STXBP4: variants seen among roughly 807,000 people sequenced by gnomAD.
STXBP4 encodes syntaxin-binding protein 4.
In STXBP4, 55 loss-of-function variants were observed where a neutral mutation model predicts 76.1. The ratio of observed to expected loss-of-function variants is 0.72; its 90% confidence interval spans 0.58 to 0.91. The LOEUF (loss-of-function observed/expected upper bound fraction) is 0.91. Ranked by LOEUF, STXBP4 falls within the 40% of genes least tolerant of loss-of-function variation. STXBP4 has a pLI of 0.00. For synonymous variants in STXBP4, 201 were observed against 220.2 expected (o/e 0.91, Z 0.77); for missense variants, 618 against 636.9 (o/e 0.97, Z 0.32).
chr17:55,054,006 G>A (rs962987390), intron 12 of STXBP4, among the ~76,000 whole-genome samples: 2 of 152,014 alleles, frequency 1.3e-5, no homozygotes, highest in Non-Finnish European at 2.9e-5. Context: ...TCTTTTTCTA[G>A]CAGTACCTAC....
At chr17:55,185,326 T>TCTCCTTCTCCTTCTC in the STXBP4 span, among the ~76,000 whole-genome samples, 2 of 74,720 alleles carry the variant, frequency 2.7e-5, no homozygotes, top group African/African-American at 5.1e-5. Flanking sequence ...TCCTTCTCCT[T>TCTCCTTCTCCTTCTC]CTCCTCCTCC....
chr17:55,136,016 G>A (rs1464000941), intron 16 of STXBP4, among the ~76,000 whole-genome samples: 1 of 152,126 alleles, frequency 6.6e-6, no homozygotes, highest in African/African-American at 2.4e-5. Context: ...TGTGACAATG[G>A]ACAAGTTATT....
In STXBP4 at chr17:54,999,615, T is replaced by C. The variant is rs550759852; in HGVS notation, c.288-17T>C. ...TATTCATAGCATATCCATAAAGTGA[T>C]TTCTTTTTAGTACTAGGTTAGAATC... On this transcript the variant is annotated splice_polypyrimidine_tract_variant and intron_variant, in intron 5 of 17. Coordinates refer to ENST00000376352, the MANE Select transcript of STXBP4 (RefSeq NM_178509.6). 115 of 1,604,970 alleles carry C rather than the reference T, an allele frequency of 7.2e-5. No individual in the cohort carries two copies. Among genetic ancestry groups the C allele is most frequent in the Non-Finnish European group, 9.2e-5 (108 of 1,174,156 alleles).
intron 17 of STXBP4, among the ~76,000 whole-genome samples, chr17:55,151,294 C>A (rs965916768): frequency 1.3e-5 from 2 of 152,138 alleles, no homozygotes; most frequent in African/African-American, 4.8e-5. Flanking sequence ...GGCTTTGATA[C>A]TCTGAGCCTC....
At chr17:55,044,444 C>A (rs1015834682) in intron 11 of STXBP4, 9 of 151,768 alleles carry the variant, frequency 5.9e-5, no homozygotes, top group African/African-American at 1.2e-4. Context: ...CTAGAGGAAG[C>A]CATTGTTGCA....
At chr17:55,122,719 T>G (rs2079860561) in intron 16 of STXBP4, among the ~76,000 whole-genome samples, 1 of 152,206 alleles carries the variant, frequency 6.6e-6, no homozygotes, top group South Asian at 2.1e-4. Flanking sequence ...GTTTAGATTG[T>G]CAACTTACAT....
At chr17:55,112,026 C>G (rs1036877727) in intron 16 of STXBP4, among the ~76,000 whole-genome samples, 3 of 152,108 alleles carry the variant, frequency 2.0e-5, no homozygotes, top group African/African-American at 7.2e-5. Context: ...GGCTATTGTC[C>G]CACTATAGCC....
chr17:54,970,534 G>T (rs1224630332), intron 1 of STXBP4, among the ~76,000 whole-genome samples: 1 of 152,208 alleles, frequency 6.6e-6, no homozygotes, highest in Non-Finnish European at 1.5e-5. Flanking sequence ...AGGTCTCCAT[G>T]ATTCTACAAA....
chr17:55,019,953 T>C (rs774658137), intron 8 of STXBP4, among the ~76,000 whole-genome samples: 17 of 152,222 alleles, frequency 1.1e-4, no homozygotes, highest in Non-Finnish European at 2.1e-4. Flanking sequence ...TTACCTGTTA[T>C]TGGTGTTCTG....
intron 12 of STXBP4, among the ~76,000 whole-genome samples, chr17:55,057,428 G>C (rs2078940492): frequency 6.6e-6 from 1 of 152,104 alleles, no homozygotes; most frequent in Admixed American, 6.6e-5. Flanking sequence ...CATAAAATCA[G>C]CTTGAGAAAA....
chr17:55,106,580 T>C (rs939507325), intron 16 of STXBP4, among the ~76,000 whole-genome samples: 3 of 152,214 alleles, frequency 2.0e-5, no homozygotes, highest in Non-Finnish European at 4.4e-5. Flanking sequence ...ATTTGGTATG[T>C]TTTTGCAGTG....
At chr17:55,016,101 GAA>G (rs1337676236) in intron 8 of STXBP4, among the ~76,000 whole-genome samples, 1 of 152,130 alleles carries the variant, frequency 6.6e-6, no homozygotes, top group Non-Finnish European at 1.5e-5. Flanking sequence ...TCTGGAAAAA[GAA>G]CAGGGATGCC....
intron 4 of STXBP4, among the ~76,000 whole-genome samples, chr17:54,998,875 T>A (rs1337022696): frequency 3.3e-5 from 5 of 152,084 alleles, no homozygotes; most frequent in Admixed American, 3.3e-4. Context: ...GACTAAAGTT[T>A]TAAAAATCTC....
chr17:55,010,500 T>C (rs2078089957), intron 8 of STXBP4, among the ~76,000 whole-genome samples: 1 of 152,162 alleles, frequency 6.6e-6, no homozygotes, highest in Non-Finnish European at 1.5e-5. Flanking sequence ...TAGTGATATA[T>C]TTCTTCAAAG....
In STXBP4 at chr17:55,168,603, AG is replaced by A. The variant is rs529969886; in HGVS notation, c.*8693del. 3.3e-5 allele frequency: 5 copies of A among 152,340 alleles called. No homozygotes were observed. The South Asian group carries it at 6.2e-4, about 19-fold the overall frequency. 9.4% of individuals were successfully genotyped at this position (152,340 alleles called of 1,614,324 possible). On this transcript the variant is annotated 3_prime_UTR_variant, in exon 18 of 18. Coordinates refer to ENST00000376352, the MANE Select transcript of STXBP4 (RefSeq NM_178509.6). Reference sequence around the variant, plus strand: ...AAATACAAGAGAACTGTTTCAGCATAGATTTTTAAAAATCATGTGTGTAAAA... The same window carrying A: ...AAATACAAGAGAACTGTTTCAGCATAATTTTTAAAAATCATGTGTGTAAAA...
intron 16 of STXBP4, among the ~76,000 whole-genome samples, chr17:55,082,673 T>G (rs555676849): frequency 1.3e-5 from 2 of 152,102 alleles, no homozygotes; most frequent in Admixed American, 1.3e-4. Flanking sequence ...CTCACAAATT[T>G]CCAAAAATGC....
chr17:55,028,887 C>G (rs1286206684), intron 8 of STXBP4, among the ~76,000 whole-genome samples: 2 of 152,116 alleles, frequency 1.3e-5, no homozygotes. Flanking sequence ...TTATTCACTA[C>G]TGGTGTGCAT....
chr17:54,970,846 G>A (rs1298051752), intron 1 of STXBP4, among the ~76,000 whole-genome samples: 4 of 152,152 alleles, frequency 2.6e-5, no homozygotes, highest in Non-Finnish European at 5.9e-5. Context: ...TATGTACAGT[G>A]ATATTGATAG....
Position 55,161,417 on chromosome 17 carries a change from C to A in STXBP4, c.*1506C>A, listed in dbSNP as rs1289921038. ...GAGGGAGCTATTTCCTTGCACCCCCCAGAGGTGAATGAGGTATTCTATAAG... is the reference window on the plus strand; with the variant it reads ...GAGGGAGCTATTTCCTTGCACCCCCAAGAGGTGAATGAGGTATTCTATAAG... On this transcript the variant is annotated 3_prime_UTR_variant, in exon 18 of 18. Transcript: ENST00000376352. The A allele has an allele frequency of 6.6e-6, 1 of 152,188 alleles. No individual in the cohort carries two copies. The highest frequency in any genetic ancestry group is 6.5e-5 in the Admixed American group (1 of 15,286). The allele number at this position is 152,188 out of a possible 1,614,324, so 9.4% of individuals were successfully genotyped here.
Sources: allele counts gnomAD v4.1 joint callset (sites outside exome capture counted in the v4.1 genomes callset), GRCh38; gene constraint gnomAD v4.1.1; transcripts MANE v1.5; gene names NCBI Gene and HGNC (gene_info 2026-07-23, HGNC 2026-07-21).